CDH18: variants seen among roughly 807,000 people sequenced by gnomAD.
CDH18 encodes cadherin-18.
In CDH18, 31 loss-of-function variants were observed where a neutral mutation model predicts 67.9. The ratio of observed to expected loss-of-function variants is 0.46; its 90% confidence interval spans 0.34 to 0.62. The LOEUF (loss-of-function observed/expected upper bound fraction) is 0.62, where lower values mean the gene tolerates loss of function less well. Among genes scored for constraint, CDH18 ranks in the 20% least tolerant of loss-of-function variants. The probability of loss-of-function intolerance (pLI) is 0.01; values close to 1 mark genes in which losing one functional copy is unlikely to be tolerated. For missense variants in CDH18, 890 were observed against 975.5 expected, an observed-to-expected ratio of 0.91 and a Z score of 1.17; for synonymous variants, 362 against 347.2, an observed-to-expected ratio of 1.04 and a Z score of -0.48.
rs190987405 is a variant in CDH18 at position 19,975,803 on chromosome 5, G to A, written c.-257+5257C>T. On this transcript the variant is annotated intron_variant, in intron 2 of 12. Coordinates refer to ENST00000382275, the MANE Select transcript of CDH18 (RefSeq NM_004934.5). ...ATCATTTCTAGGATGCTGACAAAGT[G>A]TCCTAGTTTACTTCTTTCTGAAAGC... 2.0e-5 allele frequency among the ~76,000 whole-genome samples: 3 copies of A among 152,274 alleles called. No individual in the cohort carries two copies. The East Asian group carries it at 5.8e-4, about 29-fold the overall frequency.
At chr5:20,283,407 A>G (rs1041759176) in intron 1 of CDH18, among the ~76,000 whole-genome samples, 24 of 152,096 alleles carry the variant, frequency 1.6e-4, no homozygotes, top group Admixed American at 3.9e-4. Context: ...TATAGGAAAA[A>G]CATCTTAGAA....
At chr5:19,935,934 AC>A (rs1049374479) in intron 2 of CDH18, among the ~76,000 whole-genome samples, 1 of 149,744 alleles carries the variant, frequency 6.7e-6, no homozygotes, top group Non-Finnish European at 1.5e-5. Context: ...ACCTGTTAGT[AC>A]TGTTGTTCCA....
At chr5:19,773,907 A>T (rs2149750207) in intron 3 of CDH18, among the ~76,000 whole-genome samples, 1 of 152,346 alleles carries the variant, frequency 6.6e-6, no homozygotes, top group East Asian at 1.9e-4. Flanking sequence ...AAAACTTGGA[A>T]TCATAAACAT....
At chr5:19,503,439 A>G (rs182590331) in intron 10 of CDH18, among the ~76,000 whole-genome samples, 5 of 152,242 alleles carry the variant, frequency 3.3e-5, no homozygotes, top group South Asian at 2.1e-4. Context: ...TGGAGGAGAC[A>G]TAAAGTATTG....
intron 1 of CDH18, among the ~76,000 whole-genome samples, chr5:20,526,494 C>T (rs972243086): frequency 2.0e-5 from 3 of 152,056 alleles, no homozygotes. Flanking sequence ...CTAGACACCT[C>T]ATATGGGAGA....
chr5:19,913,611 G>A (rs1184828728), intron 2 of CDH18, among the ~76,000 whole-genome samples: 4 of 152,074 alleles, frequency 2.6e-5, no homozygotes, highest in Admixed American at 1.3e-4. Flanking sequence ...GAGGTTAGGT[G>A]CATGTGCCTA....
At chr5:19,648,490 T>C (rs1479496847) in intron 5 of CDH18, among the ~76,000 whole-genome samples, 1 of 152,156 alleles carries the variant, frequency 6.6e-6, no homozygotes, top group Non-Finnish European at 1.5e-5. Context: ...TCCTAAGTAG[T>C]TGCATATCAG....
intron 2 of CDH18, among the ~76,000 whole-genome samples, chr5:20,214,845 A>G (rs187648837): frequency 1.5e-3 from 228 of 152,230 alleles, no homozygotes; most frequent in African/African-American, 5.2e-3. Context: ...GACAAATGTA[A>G]TCTAATTAAA....
rs1383955830 is a variant in CDH18 at position 19,799,320 on chromosome 5, T to C, written c.228+39439A>G. On this transcript the variant is annotated intron_variant, in intron 3 of 12. Coordinates refer to ENST00000382275, the MANE Select transcript of CDH18 (RefSeq NM_004934.5). ...TTCAATGGGTATAAAGTTTTCATTA[T>C]GTAAGATAAATATGTTCTGGAGATC... Among the ~76,000 whole-genome samples, 5 of 152,096 alleles carry C rather than the reference T, an allele frequency of 3.3e-5. No individual in the cohort carries two copies. The South Asian group carries it at 8.3e-4, about 25-fold the overall frequency.
chr5:20,571,108 A>G (rs988401715), intron 1 of CDH18, among the ~76,000 whole-genome samples: 1 of 152,146 alleles, frequency 6.6e-6, no homozygotes. Flanking sequence ...TCATTTTTCT[A>G]CTTTCCATAT....
intron 9 of CDH18, among the ~76,000 whole-genome samples, chr5:19,538,788 C>G (rs577647379): frequency 1.1e-4 from 16 of 152,174 alleles, no homozygotes; most frequent in African/African-American, 3.9e-4. Flanking sequence ...ACTGCAATGC[C>G]TCACCTGCCC....
Position 19,593,707 on chromosome 5 carries a change from C to CCTCCTTCTTCTTCTTCTTCTTCTT in CDH18, c.812-2464_812-2463insAAGAAGAAGAAGAAGAAGAAGGAG. Among the ~76,000 whole-genome samples, 294 of 33,318 alleles carry CCTCCTTCTTCTTCTTCTTCTTCTT rather than the reference C, an allele frequency of 8.8e-3. 5 individuals are homozygous for CCTCCTTCTTCTTCTTCTTCTTCTT. The highest frequency in any genetic ancestry group is 0.028 in the Admixed American group (79 of 2,836). 21.9% of individuals were successfully genotyped at this position (33,318 alleles called of 152,430 possible). A position where few individuals can be genotyped will look rare whatever the true frequency, so the allele number is the denominator to read the frequency against. ...TCCTTCTCTTCCTCTTCCTCCTCCT[C>CCTCCTTCTTCTTCTTCTTCTTCTT]CTTCTTCTTCTTCTTCTTCTTCTTC... On this transcript the variant is annotated intron_variant, in intron 6 of 12. Transcript: ENST00000382275.
At chr5:19,867,870 G>T (rs1279821204) in intron 2 of CDH18, among the ~76,000 whole-genome samples, 1 of 152,078 alleles carries the variant, frequency 6.6e-6, no homozygotes, top group African/African-American at 2.4e-5. Flanking sequence ...TACATGTTGT[G>T]GGAGGGACCC....
At chr5:19,797,093 G>A (rs1329503093) in intron 3 of CDH18, among the ~76,000 whole-genome samples, 1 of 151,804 alleles carries the variant, frequency 6.6e-6, no homozygotes, top group Non-Finnish European at 1.5e-5. Flanking sequence ...AATTAGAGAA[G>A]GCATACTGAA....
intron 1 of CDH18, among the ~76,000 whole-genome samples, chr5:20,476,806 A>G (rs767749625): frequency 2.0e-4 from 31 of 152,166 alleles, no homozygotes; most frequent in African/African-American, 4.6e-4. Context: ...TGTCTATACC[A>G]TGTATCTATT....
intron 1 of CDH18, among the ~76,000 whole-genome samples, chr5:20,413,470 C>A (rs536419746): frequency 6.6e-6 from 1 of 152,230 alleles, no homozygotes; most frequent in Admixed American, 6.5e-5. Context: ...CTCTCCAGCA[C>A]CTGTTGTTTC....
chr5:20,361,528 G>A (rs1562003375), intron 1 of CDH18, among the ~76,000 whole-genome samples: 1 of 151,746 alleles, frequency 6.6e-6, no homozygotes, highest in Admixed American at 6.6e-5. Context: ...ATGTATTAAG[G>A]GTCCCTATCT....
intron 1 of CDH18, among the ~76,000 whole-genome samples, chr5:20,303,204 ATCT>A (rs1164657558): frequency 6.6e-6 from 1 of 152,120 alleles, no homozygotes; most frequent in African/African-American, 2.4e-5. Context: ...GTCTATGAGC[ATCT>A]TCTTTTTCTA....
intron 2 of CDH18, among the ~76,000 whole-genome samples, chr5:20,076,530 T>G (rs1245787571): frequency 6.6e-6 from 1 of 151,634 alleles, no homozygotes; most frequent in Non-Finnish European, 1.5e-5. Context: ...AATGAATGTC[T>G]TTGAATAGAT....
Sources: gnomAD v4.1 joint callset for allele counts (sites outside exome capture counted in the v4.1 genomes callset) on GRCh38, gnomAD v4.1.1 for gene constraint, MANE v1.5 for transcripts, NCBI Gene and HGNC (gene_info 2026-07-23, HGNC 2026-07-21) for gene names.